Variants in RRAGC observed in about 807,000 individuals in gnomAD.
The protein encoded by RRAGC is Ras related GTP binding C.
A neutral mutation model predicts 37.1 loss-of-function variants in RRAGC; 8 were observed. The observed-to-expected ratio is 0.22, with a 90% CI of 0.13 to 0.39. RRAGC has a LOEUF of 0.39. Among genes scored for constraint, RRAGC ranks in the 10% least tolerant of loss-of-function variants. The pLI is 1.00. For missense variants in RRAGC, 342 were observed against 497.6 expected (o/e 0.69, Z 2.98); for synonymous variants, 190 against 181.1 (o/e 1.05, Z -0.39).
In RRAGC at chr1:38,859,641, G is replaced by A. The variant is rs1642213332; in HGVS notation, c.6C>T (p.Ser2=). M[S]LQYGAEETPL... Reference sequence around the variant, plus strand: ...GCGTCTCCTCCGCCCCGTACTGCAGGGACATGGTGCTGGAGCCGCCGCCGC... The same window carrying A: ...GCGTCTCCTCCGCCCCGTACTGCAGAGACATGGTGCTGGAGCCGCCGCCGC... The change falls in exon 1 of 7, where the codon TCC becomes TCT. Residue 2 remains serine (S), a synonymous_variant. Coordinates refer to ENST00000373001, the MANE Select transcript of RRAGC (RefSeq NM_022157.4). 6.4e-7 allele frequency: 1 copy of A among 1,555,088 alleles called. No homozygotes were observed. Among genetic ancestry groups the A allele is most frequent in the Non-Finnish European group, 8.7e-7 (1 of 1,151,464 alleles).
intron 5 of RRAGC, among the ~76,000 whole-genome samples, chr1:38,848,572 A>G (rs1642055033): frequency 6.7e-6 from 1 of 148,558 alleles, no homozygotes; most frequent in Non-Finnish European, 1.5e-5. Flanking sequence ...GAATAAAAAT[A>G]TGTTAATGAC....
At chr1:38,856,622 A>G in intron 2 of RRAGC, 2 of 326,586 alleles carry the variant, frequency 6.1e-6, no homozygotes, top group Non-Finnish European at 1.1e-5. Flanking sequence ...GCAACCAATA[A>G]AAGTGGAAAG....
At position 38,859,702 on chromosome 1, in the gene RRAGC, C is replaced by T; in HGVS notation, c.-56G>A. 1 of 1,347,800 alleles carries T rather than the reference C, an allele frequency of 7.4e-7. No individual in the cohort carries two copies. Among genetic ancestry groups the T allele is most frequent in the Non-Finnish European group, 9.6e-7 (1 of 1,045,098 alleles). 83.5% of individuals were successfully genotyped at this position (1,347,800 alleles called of 1,614,324 possible). A position where few individuals can be genotyped will look rare whatever the true frequency, so the allele number is the denominator to read the frequency against. ...ACAGGCCAGGCCAGGCCGAGCCAGG[C>T]CGCCGCCTCCCCAGTCCGCCTCCGC... On this transcript the variant is annotated 5_prime_UTR_variant, in exon 1 of 7. Transcript: ENST00000373001.
chr1:38,858,349 C>T (rs1258377723), intron 1 of RRAGC, among the ~76,000 whole-genome samples: 1 of 152,142 alleles, frequency 6.6e-6, no homozygotes, highest in Non-Finnish European at 1.5e-5. Context: ...CAGCTCACTC[C>T]GCGTATAATG....
intron 6 of RRAGC, among the ~76,000 whole-genome samples, chr1:38,845,376 C>CA (rs1257006989): frequency 6.6e-6 from 1 of 152,008 alleles, no homozygotes; most frequent in Non-Finnish European, 1.5e-5. Flanking sequence ...AACACTGGAA[C>CA]AAAAAACCAA....
chr1:38,857,033 G>A lies in RRAGC; in HGVS notation c.287C>T (p.Thr96Ile). ...SPNETLFLES[T>I]NKIYKDDISN... ...AATGTCATCCTTATAAATCTTGTTGGTACTTTCCAAAAAGAGGGTCTCGTT... is the reference window on the plus strand; with the variant it reads ...AATGTCATCCTTATAAATCTTGTTGATACTTTCCAAAAAGAGGGTCTCGTT... The change falls in exon 2 of 7, where the codon ACC becomes ATC. Residue 96 changes from threonine (T) to isoleucine (I), a missense_variant. Physicochemically the swap from Thr to Ile is moderately conservative, Grantham distance 89. Coordinates refer to ENST00000373001, the MANE Select transcript of RRAGC (RefSeq NM_022157.4). 1 of 1,613,810 alleles carries A rather than the reference G, an allele frequency of 6.2e-7. No homozygotes were observed.
In RRAGC at chr1:38,859,409, C is replaced by T; in HGVS notation, c.237+1G>A. ...GGGGGACTGGGCGCAGCCCTGCTCA[C>T]CTTCTGGATGGAGGACTTGCCGCTG... On this transcript the variant is annotated splice_donor_variant, in intron 1 of 6. Coordinates refer to ENST00000373001, the MANE Select transcript of RRAGC (RefSeq NM_022157.4). LOFTEE classifies it high-confidence loss of function. 1 of 1,548,070 alleles carries T rather than the reference C, an allele frequency of 6.5e-7. No individual in the cohort carries two copies. The highest frequency in any genetic ancestry group is 8.7e-7 in the Non-Finnish European group (1 of 1,146,380).
intron 3 of RRAGC, 100 bp downstream of exon 3, chr1:38,855,608 G>T: frequency 1.1e-6 from 1 of 936,586 alleles, no homozygotes; most frequent in South Asian, 1.5e-5. Flanking sequence ...TGTGGCAAAG[G>T]GCACACAGGT....
intron 3 of RRAGC, 144 bp downstream of exon 3, chr1:38,855,564 T>C (rs890421142): frequency 6.5e-5 from 46 of 712,808 alleles, no homozygotes; most frequent in Non-Finnish European, 8.9e-5. Context: ...CCAGACAGCC[T>C]GGAATTCAAC....
Position 38,859,528 on chromosome 1 carries a change from G to A in RRAGC, c.119C>T (p.Ala40Val), listed in dbSNP as rs113599946. ...TGCCCCTGCCCCAACCCCTCCGCCC[G>A]CCGCCGCCGCCTCCTCTTCCTCCTC... is the stretch of plus-strand genomic sequence containing the variant. Reference protein sequence around the residue: ...VEEEEEEAAAAGGGVGAGAGG... With the variant: ...VEEEEEEAAAVGGGVGAGAGG... The change falls in exon 1 of 7, where the codon GCG (alanine) becomes GTG (valine). Residue 40 changes from alanine to valine, a missense_variant. Ala to Val is a moderately conservative substitution (Grantham distance 64, BLOSUM62 0). This residue lies in a region of RRAGC where 104 missense variants were observed against 93.4 expected (regional missense o/e 1.11). Coordinates refer to ENST00000373001, the MANE Select transcript of RRAGC (RefSeq NM_022157.4). 1.0e-6 allele frequency: 1 copy of A among 978,638 alleles called. No individual in the cohort carries two copies. Among genetic ancestry groups the A allele is most frequent in the Non-Finnish European group, 1.5e-6 (1 of 686,880 alleles). 60.6% of individuals were successfully genotyped at this position (978,638 alleles called of 1,614,324 possible). A position where few individuals can be genotyped will look rare whatever the true frequency, so the allele number is the denominator to read the frequency against.
intron 1 of RRAGC, among the ~76,000 whole-genome samples, chr1:38,858,114 A>G (rs1642189291): frequency 6.6e-6 from 1 of 151,716 alleles, no homozygotes; most frequent in Admixed American, 6.6e-5. Flanking sequence ...TTTACTAAAA[A>G]CCTACAGTCA....
intron 5 of RRAGC, among the ~76,000 whole-genome samples, chr1:38,848,502 C>A (rs754518616): frequency 6.6e-6 from 1 of 152,160 alleles, no homozygotes; most frequent in Non-Finnish European, 1.5e-5. Flanking sequence ...AAGAAAGGCA[C>A]ATTCTATTCA....
At position 38,838,531 on chromosome 1, in the gene RRAGC, T is replaced by C. The variant is rs1233789922; in HGVS notation, c.*1022A>G. The C allele has an allele frequency of 6.6e-6, 1 of 152,234 alleles. No homozygotes were observed. Among genetic ancestry groups the C allele is most frequent in the Admixed American group, 6.5e-5 (1 of 15,282 alleles). The allele number at this position is 152,234 out of a possible 1,614,324, so 9.4% of individuals were successfully genotyped here. On this transcript the variant is annotated 3_prime_UTR_variant, in exon 7 of 7. Transcript: ENST00000373001. ...AAGCAACAATTATGAATTCATATCC[T>C]AGGCAAAGAAAGTACCACAGTTGAC... is the stretch of plus-strand genomic sequence containing the variant.
Position 38,855,721 on chromosome 1 carries a change from T to G in RRAGC, c.628A>C (p.Lys210Gln). The G allele has an allele frequency of 6.2e-7, 1 of 1,613,986 alleles. No individual in the cohort carries two copies. The highest frequency in any genetic ancestry group is 1.3e-5 in the African/African-American group (1 of 75,042). The change falls in exon 3 of 7, where the codon AAA becomes CAA. Residue 210 changes from lysine (K) to glutamine (Q), a missense_variant. Lys to Gln is a moderately conservative substitution (Grantham distance 53). Around this residue, in one of 3 missense-constraint regions of RRAGC, gnomAD observed 134 missense variants for 277.2 expected, o/e 0.48. Transcript: ENST00000373001. Reference protein sequence around the residue: ...NDDLADAGLEKLHLSFYLTSI... With the variant: ...NDDLADAGLEQLHLSFYLTSI... ...ACATGTTGTTACCTAAGATGGAGTT[T>G]TTCTAGCCCAGCATCTGCAAGGTCA...
At chr1:38,847,794 C>G (rs1419096523) in intron 5 of RRAGC, 1 of 152,110 alleles carries the variant, frequency 6.6e-6, no homozygotes, top group Admixed American at 6.6e-5. Context: ...ACCTGTAATC[C>G]CAACACTTTG....
intron 6 of RRAGC, 30 bp from the exon 7 acceptor site, chr1:38,839,734 C>G: frequency 1.9e-6 from 3 of 1,603,096 alleles, no homozygotes; most frequent in Non-Finnish European, 2.6e-6. Context: ...AAGAATGCCT[C>G]CTGAATTGTC....
chr1:38,850,218 A>G (rs1642082355), intron 5 of RRAGC, among the ~76,000 whole-genome samples: 1 of 143,814 alleles, frequency 7.0e-6, no homozygotes, highest in Non-Finnish European at 1.5e-5. Context: ...AAAACAAAAC[A>G]AAACAAAAAA....
At chr1:38,847,171 A>C (rs1445561621) in intron 5 of RRAGC, 1 of 152,246 alleles carries the variant, frequency 6.6e-6, no homozygotes, top group Non-Finnish European at 1.5e-5. Context: ...TTTCTTTGGC[A>C]GTAAAACAAT....
At position 38,856,902 on chromosome 1, in the gene RRAGC, A is replaced by T; in HGVS notation, c.418T>A (p.Leu140Met). Residue 140 changes from leucine to methionine, a missense_variant, in exon 2 of 7, where the codon TTG (leucine) becomes ATG (methionine). Around this residue, in one of 3 missense-constraint regions of RRAGC, gnomAD observed 134 missense variants for 277.2 expected, o/e 0.48. Coordinates refer to ENST00000373001, the MANE Select transcript of RRAGC (RefSeq NM_022157.4). ...ACCTGTGCGTCAATGACGTATATCA[A>T]TGCTCCTGTTCCCCTGAAGATCATC... is the stretch of plus-strand genomic sequence containing the variant. ...YEMIFRGTGA[L>M]IYVIDAQDDY... The T allele has an allele frequency of 6.2e-7, 1 of 1,614,178 alleles. No individual in the cohort carries two copies. The highest frequency in any genetic ancestry group is 8.5e-7 in the Non-Finnish European group (1 of 1,180,012).
Sources: gnomAD v4.1 joint callset for allele counts (sites outside exome capture counted in the v4.1 genomes callset) on GRCh38, gnomAD v4.1.1 for gene constraint, gnomAD v4.1.1 regional missense constraint, MANE v1.5 for transcripts, NCBI Gene and HGNC (gene_info 2026-07-23, HGNC 2026-07-21) for gene names.